SPATA22: variants seen among roughly 807,000 people sequenced by gnomAD.
SPATA22 encodes the protein spermatogenesis-associated protein 22.
Under a neutral mutation model 47.8 loss-of-function variants are expected in SPATA22, and 29 were observed. That is an observed-to-expected ratio of 0.61 (90% CI 0.45 to 0.83). The LOEUF (loss-of-function observed/expected upper bound fraction) is 0.83, where lower values mean the gene tolerates loss of function less well. SPATA22 is among the 40% of genes least tolerant of loss of function. The probability of loss-of-function intolerance (pLI) is 0.00; values close to 1 mark genes in which losing one functional copy is unlikely to be tolerated. For synonymous variants in SPATA22, 133 were observed against 140.9 expected, an observed-to-expected ratio of 0.94 and a Z score of 0.40; for missense variants, 410 against 421.7, an observed-to-expected ratio of 0.97 and a Z score of 0.24.
At chr17:3,505,904 T>G (rs1033486777) in intron 1 of SPATA22, among the ~76,000 whole-genome samples, 3 of 152,050 alleles carry the variant, frequency 2.0e-5, no homozygotes, top group African/African-American at 7.2e-5. Flanking sequence ...ATTACAGGCA[T>G]GCGCCAGCAA....
Position 3,461,710 on chromosome 17 carries a change from G to A in SPATA22, c.329+773C>T, listed in dbSNP as rs560545786. On this transcript the variant is annotated intron_variant, in intron 5 of 8. Transcript: ENST00000572969. ...AAAGTTCCCCCTTTTAAAAAAATAC[G>A]ATATCTTTATATAATAAAAATGAGA... Among the ~76,000 whole-genome samples the A allele has an allele frequency of 4.9e-4, 75 of 152,056 alleles. 1 individual carries two copies. Among genetic ancestry groups the A allele is most frequent in the South Asian group, 6.2e-4 (3 of 4,802 alleles).
intron 1 of SPATA22, among the ~76,000 whole-genome samples, chr17:3,492,402 T>A (rs1025599355): frequency 6.6e-6 from 1 of 152,240 alleles, no homozygotes; most frequent in Non-Finnish European, 1.5e-5. Flanking sequence ...AACTTTTTGG[T>A]TTAAAGAAAT....
At chr17:3,445,190 A>C (rs1021388428) in intron 7 of SPATA22, among the ~76,000 whole-genome samples, 7 of 152,146 alleles carry the variant, frequency 4.6e-5, no homozygotes, top group African/African-American at 1.7e-4. Context: ...TCTTTGAAAT[A>C]AGATGTTCTA....
At chr17:3,493,560 C>CAAAAAAAA (rs746229421) in intron 1 of SPATA22, among the ~76,000 whole-genome samples, 2 of 56,380 alleles carry the variant, frequency 3.5e-5, no homozygotes, top group Admixed American at 2.7e-4. Flanking sequence ...GGTTCCATCT[C>CAAAAAAAA]AAAAAAAAAA....
intron 1 of SPATA22, chr17:3,512,967 C>T (rs1265463129): frequency 1.3e-5 from 2 of 152,144 alleles, no homozygotes; most frequent in Non-Finnish European, 2.9e-5. Flanking sequence ...ACGATCCCAG[C>T]ACACAGGCAC....
chr17:3,479,691 C>A (rs559180403), intron 1 of SPATA22, among the ~76,000 whole-genome samples: 1 of 152,184 alleles, frequency 6.6e-6, no homozygotes, highest in South Asian at 2.1e-4. Context: ...CTCAAGATGC[C>A]GGCTTTGTCC....
chr17:3,447,660 C>G (rs2072757879), intron 6 of SPATA22, among the ~76,000 whole-genome samples: 1 of 152,100 alleles, frequency 6.6e-6, no homozygotes, highest in Non-Finnish European at 1.5e-5. Flanking sequence ...AAACTAACAA[C>G]TGTAAGAAGT....
chr17:3,510,358 T>G (rs1024208584), intron 1 of SPATA22: 1 of 152,216 alleles, frequency 6.6e-6, no homozygotes, highest in Non-Finnish European at 1.5e-5. Flanking sequence ...TATGGCTTGC[T>G]GGCTCTGTTC....
At chr17:3,476,237 C>T (rs145616193), upstream of SPATA22, 129 of 1,614,058 alleles carry the variant, frequency 8.0e-5, 1 homozygote, top group Middle Eastern at 1.2e-3. Flanking sequence ...ATGAGCTAAC[C>T]GGAGTATTTC....
chr17:3,471,459 AGT>A, intron 1 of SPATA22: 1 of 985,432 alleles, frequency 1.0e-6, no homozygotes, highest in African/African-American at 1.7e-5. Flanking sequence ...AATGGACCTA[AGT>A]GGCGTTAGTA....
chr17:3,479,939 G>A (rs921555376), intron 1 of SPATA22, among the ~76,000 whole-genome samples: 7 of 152,168 alleles, frequency 4.6e-5, no homozygotes, highest in Admixed American at 4.6e-4. Flanking sequence ...GGGAAGTGGG[G>A]AGAGGGTAGA....
At chr17:3,482,908 T>G (rs2073656856) in intron 1 of SPATA22, among the ~76,000 whole-genome samples, 1 of 151,030 alleles carries the variant, frequency 6.6e-6, no homozygotes, top group Non-Finnish European at 1.5e-5. Context: ...TCATTTAGCA[T>G]TAGGTATATC....
intron 1 of SPATA22, chr17:3,510,467 A>G (rs2074097360): frequency 6.6e-6 from 1 of 152,244 alleles, no homozygotes; most frequent in Non-Finnish European, 1.5e-5. Context: ...CAATCTGCAC[A>G]TTGGCACACC....
At chr17:3,469,216 A>T (rs1389565958) in intron 2 of SPATA22, 67 bp downstream of exon 2, 43 of 716,498 alleles carry the variant, frequency 6.0e-5, no homozygotes, top group South Asian at 5.0e-4. Flanking sequence ...TTCCAATGTT[A>T]TATCTATAAA....
chr17:3,471,087 G>A (rs569832429), intron 1 of SPATA22, among the ~76,000 whole-genome samples: 3 of 151,982 alleles, frequency 2.0e-5, no homozygotes. Context: ...CCCGGGAGGC[G>A]GAGGTTGCAG....
intron 1 of SPATA22, among the ~76,000 whole-genome samples, chr17:3,481,037 T>A (rs2073618957): frequency 6.6e-6 from 1 of 152,058 alleles, no homozygotes; most frequent in African/African-American, 2.4e-5. Flanking sequence ...ATGGGAAGAT[T>A]GCTTGAGCCC....
At chr17:3,459,304 T>C (rs747321875) in intron 5 of SPATA22, among the ~76,000 whole-genome samples, 13 of 152,214 alleles carry the variant, frequency 8.5e-5, no homozygotes, top group South Asian at 2.1e-4. Context: ...ATGGTAATTA[T>C]GTGAAGAGAT....
chr17:3,448,852 A>G lies in SPATA22; in HGVS notation c.627T>C (p.Tyr209=). Residue 209 remains tyrosine (Y), a synonymous_variant, in exon 6 of 9, where the codon TAT becomes TAC. Transcript: ENST00000572969. Reference sequence around the variant, plus strand: ...GAATATCATCCAACATTTGTTTCTTATATTGATTTTGTTGAAAATTGGGCT... The same window carrying G: ...GAATATCATCCAACATTTGTTTCTTGTATTGATTTTGTTGAAAATTGGGCT... The part of the protein sequence containing the change: ...TLKPNFQQNQ[Y]KKQMLDDIPE... 1 of 1,612,578 alleles carries G rather than the reference A, an allele frequency of 6.2e-7. No individual in the cohort carries two copies. The highest frequency in any genetic ancestry group is 8.5e-7 in the Non-Finnish European group (1 of 1,179,446).
At chr17:3,469,194 T>C (rs1243785929) in intron 2 of SPATA22, 89 bp downstream of exon 2, 1 of 636,768 alleles carries the variant, frequency 1.6e-6, no homozygotes, top group Middle Eastern at 3.9e-4. Flanking sequence ...GTTCAATCTA[T>C]TTTAAATTTA....
Sources: allele counts gnomAD v4.1 joint callset (sites outside exome capture counted in the v4.1 genomes callset), GRCh38; gene constraint gnomAD v4.1.1; transcripts MANE v1.5; gene names NCBI Gene and HGNC (gene_info 2026-07-23, HGNC 2026-07-21).